Variants in DGKB observed in about 807,000 individuals in gnomAD.
DGKB encodes the protein 90 kDa diacylglycerol kinase.
A neutral mutation model predicts 114.3 loss-of-function variants in DGKB; 67 were observed. The observed-to-expected ratio is 0.59, with a 90% CI of 0.48 to 0.72. The LOEUF (loss-of-function observed/expected upper bound fraction) is 0.72, where lower values mean the gene tolerates loss of function less well. Ranked by LOEUF, DGKB falls within the 30% of genes least tolerant of loss-of-function variation. The pLI is 0.00. For missense variants in DGKB, 907 were observed against 975.2 expected, an observed-to-expected ratio of 0.93 and a Z score of 0.93; for synonymous variants, 398 against 323.1, an observed-to-expected ratio of 1.23 and a Z score of -2.49.
intron 1 of DGKB, among the ~76,000 whole-genome samples, chr7:14,882,065 C>A (rs1385440824): frequency 1.3e-5 from 2 of 149,914 alleles, no homozygotes; most frequent in Non-Finnish European, 2.9e-5. Flanking sequence ...ATATTTTTAA[C>A]TTAAAAAAAA....
chr7:14,862,063 A>G (rs1205496098), intron 1 of DGKB, among the ~76,000 whole-genome samples: 1 of 152,040 alleles, frequency 6.6e-6, no homozygotes, highest in Non-Finnish European at 1.5e-5. Context: ...CATGATCCAT[A>G]TGAAACGATA....
chr7:14,427,169 T>C (rs1027968211), intron 21 of DGKB, among the ~76,000 whole-genome samples: 3 of 152,036 alleles, frequency 2.0e-5, no homozygotes, highest in African/African-American at 2.4e-5. Flanking sequence ...AATAGGTTGA[T>C]AGGAGCAGCA....
intron 1 of DGKB, among the ~76,000 whole-genome samples, chr7:14,890,461 T>C (rs922980875): frequency 1.3e-5 from 2 of 151,370 alleles, no homozygotes; most frequent in African/African-American, 4.8e-5. Flanking sequence ...TTTACTTCCA[T>C]GGAAAAATGA....
chr7:14,853,346 C>T (rs180839526), intron 1 of DGKB, among the ~76,000 whole-genome samples: 99 of 152,028 alleles, frequency 6.5e-4, no homozygotes, highest in Non-Finnish European at 1.2e-3. Flanking sequence ...CTTTCATGTA[C>T]ATACTGGCTC....
At chr7:14,476,083 C>T (rs1782126181) in intron 21 of DGKB, among the ~76,000 whole-genome samples, 2 of 151,936 alleles carry the variant, frequency 1.3e-5, no homozygotes, top group South Asian at 2.1e-4. Flanking sequence ...ATTATCCAAA[C>T]ACACTTTCGT....
intron 2 of DGKB, among the ~76,000 whole-genome samples, chr7:14,821,527 G>GAAAAAT (rs1844931046): frequency 6.6e-6 from 1 of 152,022 alleles, no homozygotes; most frequent in Non-Finnish European, 1.5e-5. Context: ...GGAAGCTTGG[G>GAAAAAT]AAAAATAAAA....
intron 13 of DGKB, among the ~76,000 whole-genome samples, chr7:14,656,431 G>A (rs1292315313): frequency 6.6e-6 from 1 of 151,018 alleles, no homozygotes; most frequent in Non-Finnish European, 1.5e-5. Flanking sequence ...GAAGAAAATT[G>A]ACATTTTAAA....
rs1781781950 is a variant in DGKB at position 14,149,009 on chromosome 7, T to C, written c.*122A>G. 3.5e-6 allele frequency: 3 copies of C among 865,300 alleles called. No individual in the cohort carries two copies. The highest frequency in any genetic ancestry group is 1.5e-5 in the South Asian group (1 of 67,504). The allele number at this position is 865,300 out of a possible 1,614,324, so 53.6% of individuals were successfully genotyped here. The stretch of plus-strand genomic sequence containing the variant: ...TTTACATTAGCTTAGTAACAAAAAC[T>C]GTTAAACCACTTCCATGATTTTGCA... On this transcript the variant is annotated 3_prime_UTR_variant, in exon 26 of 26. Transcript: ENST00000402815.
intron 1 of DGKB, among the ~76,000 whole-genome samples, chr7:14,916,044 T>A (rs540738176): frequency 1.3e-5 from 2 of 152,134 alleles, no homozygotes; most frequent in Non-Finnish European, 2.9e-5. Context: ...GACAACAATG[T>A]TATATGGAAT....
intron 23 of DGKB, among the ~76,000 whole-genome samples, chr7:14,337,106 G>A (rs1190523002): frequency 2.0e-5 from 3 of 151,988 alleles, no homozygotes; most frequent in African/African-American, 7.2e-5. Flanking sequence ...TGGTCCTTAA[G>A]CTAATTGCAA....
chr7:14,398,724 T>C (rs1438031393), intron 21 of DGKB, among the ~76,000 whole-genome samples: 1 of 151,842 alleles, frequency 6.6e-6, no homozygotes, highest in African/African-American at 2.4e-5. Flanking sequence ...TGAACAGTTG[T>C]TGGCATTTGT....
intron 15 of DGKB, among the ~76,000 whole-genome samples, chr7:14,619,879 A>G (rs1807281435): frequency 6.6e-6 from 1 of 151,676 alleles, no homozygotes; most frequent in Non-Finnish European, 1.5e-5. Flanking sequence ...TATTTAACAA[A>G]TGATATATGC....
chr7:14,188,521 G>A (rs1335576238), intron 23 of DGKB, among the ~76,000 whole-genome samples: 2 of 144,956 alleles, frequency 1.4e-5, no homozygotes, highest in South Asian at 2.2e-4. Flanking sequence ...TTAGCCGGGC[G>A]TGGTGGCGGG....
intron 20 of DGKB, among the ~76,000 whole-genome samples, chr7:14,502,650 TC>T (rs1359402579): frequency 6.6e-6 from 1 of 152,056 alleles, no homozygotes; most frequent in African/African-American, 2.4e-5. Context: ...AATATAGAGA[TC>T]GCAAATTTTG....
At chr7:14,726,215 T>C (rs10234209) in intron 5 of DGKB, among the ~76,000 whole-genome samples, 103,914 of 151,864 alleles carry the variant, frequency 0.68, 35,996 homozygotes, top group East Asian at 0.99. Flanking sequence ...TCTGGGCTCA[T>C]GGCAACCTCT....
intron 23 of DGKB, among the ~76,000 whole-genome samples, chr7:14,266,211 T>A (rs1412788924): frequency 6.6e-6 from 1 of 152,236 alleles, no homozygotes; most frequent in Non-Finnish European, 1.5e-5. Flanking sequence ...AAATTGCGCC[T>A]AAATAACACA....
intron 17 of DGKB, among the ~76,000 whole-genome samples, chr7:14,606,539 T>C (rs1400497173): frequency 2.0e-5 from 3 of 152,050 alleles, no homozygotes; most frequent in Non-Finnish European, 2.9e-5. Context: ...ATTTAAATAC[T>C]TGGTTTCTGG....
At chr7:14,878,060 G>GAA (rs200207451) in intron 1 of DGKB, among the ~76,000 whole-genome samples, 2 of 129,322 alleles carry the variant, frequency 1.5e-5, no homozygotes. Flanking sequence ...CCCCAAAACA[G>GAA]AAAAAAAAAA....
At position 14,307,319 on chromosome 7, in the gene DGKB, C is replaced by T. The variant is rs531539812; in HGVS notation, c.2122+31196G>A. 3.6e-4 allele frequency among the ~76,000 whole-genome samples: 54 copies of T among 152,108 alleles called. No individual in the cohort carries two copies. The South Asian group carries it at 9.3e-3, about 26-fold the overall frequency. ...ATGCTGATAGTCATTTAATATTTTC[C>T]GACTTCAATTAATTAAAGTCTTTCA... is the stretch of plus-strand genomic sequence containing the variant. On this transcript the variant is annotated intron_variant, in intron 23 of 25. Transcript: ENST00000402815.
Sources: allele counts gnomAD v4.1 joint callset (sites outside exome capture counted in the v4.1 genomes callset), GRCh38; gene constraint gnomAD v4.1.1; transcripts MANE v1.5; gene names NCBI Gene and HGNC (gene_info 2026-07-23, HGNC 2026-07-21).